The following UNC13B variants were observed in gnomAD, a reference collection of about 807,000 sequenced individuals.
UNC13B encodes unc-13 homolog B.
In UNC13B, 144 loss-of-function variants were observed where a neutral mutation model predicts 211.0. The ratio of observed to expected loss-of-function variants is 0.68; its 90% CI spans 0.60 to 0.78. The LOEUF is 0.78. Among genes scored for constraint, UNC13B ranks in the 30% least tolerant of loss-of-function variants. The pLI, the probability that UNC13B is intolerant of heterozygous loss-of-function variation, is 0.00. For synonymous variants in UNC13B, 709 were observed against 725.8 expected (o/e 0.98, Z 0.37); for missense variants, 1,777 against 2,002.0 (o/e 0.89, Z 2.14).
intron 34 of UNC13B, 41 bp from the exon 35 acceptor site, chr9:35,399,351 G>A (rs769633974): frequency 1.9e-6 from 3 of 1,614,132 alleles, no homozygotes; most frequent in Non-Finnish European, 2.5e-6. Context: ...TCCTGATGGA[G>A]TTGGGGTCCT....
chr9:35,296,762 AACCACTTAAAAAT>A lies in UNC13B; in HGVS notation c.761+834_761+846del, dbSNP rs1459557275. On this transcript the variant is annotated intron_variant, in intron 8 of 39. Transcript: ENST00000635942. The stretch of plus-strand genomic sequence containing the variant: ...TTCATATACACATACATTTTCTCTG[AACCACTTAAAAAT>A]AAGTTGCAGATATTGTGTTACTTCA... 2.0e-5 allele frequency among the ~76,000 whole-genome samples: 3 copies of A among 152,192 alleles called. 1 individual carries two copies. Among genetic ancestry groups the A allele is most frequent in the African/African-American group, 7.2e-5 (3 of 41,454 alleles).
At chr9:35,398,788 A>G in intron 32 of UNC13B, 94 bp from the exon 33 acceptor site, 2 of 1,572,320 alleles carry the variant, frequency 1.3e-6, no homozygotes, top group Non-Finnish European at 8.7e-7. Flanking sequence ...GAAATGCACC[A>G]TGAGCATATG....
intron 11 of UNC13B, chr9:35,351,747 T>C: frequency 8.1e-7 from 1 of 1,232,270 alleles, no homozygotes; most frequent in Non-Finnish European, 1.0e-6. Context: ...CTGGCCCAGC[T>C]TTGCAGCTTT....
intron 6 of UNC13B, among the ~76,000 whole-genome samples, chr9:35,257,678 C>T (rs1474714438): frequency 1.4e-5 from 2 of 143,550 alleles, no homozygotes; most frequent in Non-Finnish European, 3.0e-5. Context: ...TTGTACTTGA[C>T]TTTTCTTATT....
intron 26 of UNC13B, among the ~76,000 whole-genome samples, chr9:35,395,685 G>A (rs1835824265): frequency 6.6e-6 from 1 of 152,128 alleles, no homozygotes; most frequent in Non-Finnish European, 1.5e-5. Context: ...CTATGGGTGT[G>A]GCCAGTGCTC....
At chr9:35,217,387 G>GTT (rs919989545) in intron 1 of UNC13B, among the ~76,000 whole-genome samples, 1 of 146,168 alleles carries the variant, frequency 6.8e-6, no homozygotes, top group Non-Finnish European at 1.5e-5. Flanking sequence ...TTGTTTGTTT[G>GTT]TTTTTTTTGT....
chr9:35,309,285 G>A (rs2131855408), intron 9 of UNC13B, among the ~76,000 whole-genome samples: 1 of 151,958 alleles, frequency 6.6e-6, no homozygotes, highest in African/African-American at 2.4e-5. Context: ...ACAAGTATAT[G>A]TGTTTGTGTG....
At chr9:35,209,767 A>G (rs1564069548) in intron 1 of UNC13B, among the ~76,000 whole-genome samples, 1 of 152,132 alleles carries the variant, frequency 6.6e-6, no homozygotes, top group Non-Finnish European at 1.5e-5. Context: ...TCTTTTCCCT[A>G]CATCATTCTT....
chr9:35,403,796 C>T lies in UNC13B; in HGVS notation c.12786C>T (p.Cys4262=), dbSNP rs777754247. The T allele has an allele frequency of 1.1e-5, 18 of 1,613,956 alleles. No homozygotes were observed. In the African/African-American group the frequency reaches 1.5e-4, roughly 13 times the overall value. ...CCGAGTCCTATGAGTTGCAGATATGCGTGAAGGATTACTGCTTTGCCCGGG... is the reference window on the plus strand; with the variant it reads ...CCGAGTCCTATGAGTTGCAGATATGTGTGAAGGATTACTGCTTTGCCCGGG... ...EGPESYELQI[C]VKDYCFARED... Residue 4262 remains cysteine (C), a synonymous_variant, in exon 40 of 40, where the codon TGC becomes TGT. Transcript: ENST00000635942.
At chr9:35,312,357 A>G (rs771464172) in intron 10 of UNC13B, among the ~76,000 whole-genome samples, 2 of 152,182 alleles carry the variant, frequency 1.3e-5, no homozygotes, top group Non-Finnish European at 2.9e-5. Flanking sequence ...GTTTTTGGTC[A>G]TCTCTGGTAG....
At chr9:35,234,950 T>C (rs1183600451) in intron 3 of UNC13B, among the ~76,000 whole-genome samples, 1 of 152,224 alleles carries the variant, frequency 6.6e-6, no homozygotes, top group Non-Finnish European at 1.5e-5. Flanking sequence ...GTTGTTTTCC[T>C]GAGAATGCCT....
Position 35,310,448 on chromosome 9 carries a change from CT to C in UNC13B, c.9009-16del. The C allele has an allele frequency of 6.2e-7, 1 of 1,609,530 alleles. No homozygotes were observed. Among genetic ancestry groups the C allele is most frequent in the Non-Finnish European group, 8.5e-7 (1 of 1,176,680 alleles). Reference sequence around the variant, plus strand: ...TGATTGCATTTATTTACTTATCTGTCTTTCTGTCATTCTCACAGCCCCACCA... The same window carrying C: ...TGATTGCATTTATTTACTTATCTGTCTTCTGTCATTCTCACAGCCCCACCA... On this transcript the variant is annotated intron_variant, in intron 9 of 39. Coordinates refer to ENST00000635942, the MANE Select transcript of UNC13B (RefSeq NM_001371189.2).
chr9:35,401,375 G>A (rs967857315), intron 37 of UNC13B, among the ~76,000 whole-genome samples: 2 of 152,210 alleles, frequency 1.3e-5, no homozygotes, highest in African/African-American at 4.8e-5. Flanking sequence ...CCAATCCAGG[G>A]AGGGAAGAAT....
At chr9:35,345,316 G>A (rs952033992) in intron 11 of UNC13B, among the ~76,000 whole-genome samples, 4 of 152,156 alleles carry the variant, frequency 2.6e-5, no homozygotes, top group Admixed American at 1.3e-4. Context: ...AAGGAAAAGT[G>A]GGAATTTAGC....
chr9:35,275,080 A>AATTC (rs570897815), intron 7 of UNC13B, among the ~76,000 whole-genome samples: 102 of 151,936 alleles, frequency 6.7e-4, no homozygotes, highest in African/African-American at 2.2e-3. Context: ...TAAAGTTATG[A>AATTC]ATTCTTGATG....
intron 14 of UNC13B, 38 bp downstream of exon 14, chr9:35,375,239 C>T: frequency 6.3e-7 from 1 of 1,599,360 alleles, no homozygotes; most frequent in Non-Finnish European, 8.6e-7. Flanking sequence ...CCACTGGCCT[C>T]AGGACTGGTG....
At chr9:35,380,055 C>G (rs914723234) in intron 17 of UNC13B, among the ~76,000 whole-genome samples, 3 of 152,234 alleles carry the variant, frequency 2.0e-5, no homozygotes, top group South Asian at 2.1e-4. Context: ...ATGGGCCTAC[C>G]ATGAACATGT....
At chr9:35,179,130 A>T (rs1398341182) in intron 1 of UNC13B, among the ~76,000 whole-genome samples, 1 of 152,182 alleles carries the variant, frequency 6.6e-6, no homozygotes, top group African/African-American at 2.4e-5. Context: ...TATACAATAC[A>T]ATACCAAATT....
At chr9:35,380,232 C>T in intron 17 of UNC13B, among the ~76,000 whole-genome samples, 1 of 152,270 alleles carries the variant, frequency 6.6e-6, no homozygotes, top group Non-Finnish European at 1.5e-5. Context: ...ACCCCTTGCC[C>T]TTTGTTCTAG....
Sources: allele counts gnomAD v4.1 joint callset (sites outside exome capture counted in the v4.1 genomes callset), GRCh38; gene constraint gnomAD v4.1.1; transcripts MANE v1.5; gene names NCBI Gene and HGNC (gene_info 2026-07-23, HGNC 2026-07-21).